TJP2: variants seen among roughly 807,000 people sequenced by gnomAD.
The protein encoded by TJP2 is Friedreich ataxia region gene X104 (tight junction protein ZO-2).
Under a neutral mutation model 133.1 loss-of-function variants are expected in TJP2, and 91 were observed. The observed-to-expected ratio is 0.68, with a 90% CI of 0.58 to 0.81. The LOEUF (loss-of-function observed/expected upper bound fraction) is 0.81. Among genes scored for constraint, TJP2 ranks in the 40% least tolerant of loss-of-function variants. The pLI, the probability that TJP2 is intolerant of heterozygous loss-of-function variation, is 0.00. For missense variants in TJP2, 1,541 were observed against 1,565.6 expected (o/e 0.98, Z 0.26); for synonymous variants, 592 against 583.4 (o/e 1.01, Z -0.21).
chr9:69,131,467 A>T (rs1017086340), intron 1 of TJP2, among the ~76,000 whole-genome samples: 1 of 152,212 alleles, frequency 6.6e-6, no homozygotes, highest in Non-Finnish European at 1.5e-5. Context: ...AGTCGAGAGA[A>T]ACATCCCCTA....
intron 1 of TJP2, among the ~76,000 whole-genome samples, chr9:69,141,604 C>T (rs1335016488): frequency 6.6e-6 from 1 of 152,036 alleles, no homozygotes; most frequent in Non-Finnish European, 1.5e-5. Flanking sequence ...TTTATTAATT[C>T]ATTTTGAGAC....
At chr9:69,249,113 G>T in intron 19 of TJP2, 1 of 1,266,394 alleles carries the variant, frequency 7.9e-7, no homozygotes. Flanking sequence ...ATGGATATTA[G>T]TGACACAAGA....
chr9:69,202,953 T>G (rs770541491), intron 1 of TJP2, among the ~76,000 whole-genome samples: 6 of 152,224 alleles, frequency 3.9e-5, no homozygotes, highest in Non-Finnish European at 8.8e-5. Flanking sequence ...GAATTACTGC[T>G]GCTAGAAACT....
intron 1 of TJP2, chr9:69,204,877 AT>A (rs1827274012): frequency 1.7e-6 from 2 of 1,191,764 alleles, no homozygotes; most frequent in Non-Finnish European, 2.1e-6. Flanking sequence ...TAAAAGAAAT[AT>A]CTACTCGGAT....
chr9:69,209,167 C>G (rs528582942), intron 1 of TJP2, among the ~76,000 whole-genome samples: 30 of 152,058 alleles, frequency 2.0e-4, no homozygotes, highest in Non-Finnish European at 2.9e-5. Context: ...TTTTTTGAGA[C>G]AGAGTCTCAC....
intron 1 of TJP2, among the ~76,000 whole-genome samples, chr9:69,210,524 G>A (rs1163401756): frequency 6.6e-6 from 1 of 152,078 alleles, no homozygotes; most frequent in Admixed American, 6.6e-5. Context: ...TCGTCACAGT[G>A]AACAGACTTT....
chr9:69,254,196 C>A lies in TJP2; in HGVS notation c.3408-13C>A. On this transcript the variant is annotated splice_polypyrimidine_tract_variant and intron_variant, in intron 22 of 22. Transcript: ENST00000377245. Reference sequence around the variant, plus strand: ...TGTGCTCTGGAATGTCTTTAACACCCTTTTTTTGTTAGTTCCAGACCCCCT... The same window carrying A: ...TGTGCTCTGGAATGTCTTTAACACCATTTTTTTGTTAGTTCCAGACCCCCT... The A allele has an allele frequency of 6.2e-7, 1 of 1,614,136 alleles. No individual in the cohort carries two copies. The highest frequency in any genetic ancestry group is 1.3e-5 in the African/African-American group (1 of 75,036).
At chr9:69,215,609 C>T (rs1828308538) in intron 2 of TJP2, among the ~76,000 whole-genome samples, 1 of 151,872 alleles carries the variant, frequency 6.6e-6, no homozygotes, top group Non-Finnish European at 1.5e-5. Context: ...TGGTCTTGAG[C>T]TGCTGGACTC....
At chr9:69,121,670 G>GC (rs1564361748) in exon 1 of TJP2, 1 of 153,042 alleles carries the variant, frequency 6.5e-6, no homozygotes, top group Non-Finnish European at 1.4e-5. Flanking sequence ...AGCCGCCTTC[G>GC]CCCTCGCCCA....
rs556477777 is a variant in TJP2 at position 69,240,696 on chromosome 9, C to T, written c.2566+549C>T. Among the ~76,000 whole-genome samples the T allele has an allele frequency of 3.9e-5, 6 of 152,062 alleles. 1 individual carries two copies. In the South Asian group the frequency reaches 1.2e-3, roughly 32 times the overall value. On this transcript the variant is annotated intron_variant, in intron 17 of 22. Coordinates refer to ENST00000377245, the MANE Select transcript of TJP2 (RefSeq NM_004817.4). ...AAAGGCCTAGCATGGTGGTGCATGC[C>T]TATGGCTGAGGTTGGAGGATCGCTT...
At chr9:69,130,039 G>GAAAAA (rs1296330325) in intron 1 of TJP2, among the ~76,000 whole-genome samples, 2 of 146,646 alleles carry the variant, frequency 1.4e-5, no homozygotes, top group Non-Finnish European at 3.0e-5. Flanking sequence ...AAAAGAAAAA[G>GAAAAA]AAAAAAAAGA....
chr9:69,139,343 T>C (rs1427919421), intron 1 of TJP2, among the ~76,000 whole-genome samples: 1 of 152,226 alleles, frequency 6.6e-6, no homozygotes, highest in East Asian at 1.9e-4. Flanking sequence ...TGCCTTTATT[T>C]GGAGATGCGG....
At chr9:69,174,186 C>T (rs1256925642), upstream of TJP2, 1 of 1,369,436 alleles carries the variant, frequency 7.3e-7, no homozygotes, top group African/African-American at 1.5e-5. Context: ...ACGCTCGGGT[C>T]GGGGGCGGGC....
chr9:69,201,177 G>A (rs1826962176), intron 1 of TJP2, among the ~76,000 whole-genome samples: 1 of 152,156 alleles, frequency 6.6e-6, no homozygotes, highest in Non-Finnish European at 1.5e-5. Context: ...CAGGTGCATG[G>A]TTGCTTTTGG....
At position 69,151,841 on chromosome 9, in the gene TJP2, G is replaced by A. The variant is rs184050702; in HGVS notation, c.-10+70G>A. On this transcript the variant is annotated intron_variant, in intron 2 of 5. Transcript: ENST00000423935. ...CCCAAAATTTGTTCGAATAGTTACC[G>A]TTTTCACATTCTAGAGGTAGTCAGA... 39 of 1,225,176 alleles carry A rather than the reference G, an allele frequency of 3.2e-5. No individual in the cohort carries two copies. The East Asian group carries it at 7.6e-4, about 24-fold the overall frequency. The allele number at this position is 1,225,176 out of a possible 1,614,324, so 75.9% of individuals were successfully genotyped here. A position where few individuals can be genotyped will look rare whatever the true frequency, so the allele number is the denominator to read the frequency against.
intron 1 of TJP2, among the ~76,000 whole-genome samples, chr9:69,203,495 G>T (rs973436344): frequency 6.6e-6 from 1 of 151,344 alleles, no homozygotes; most frequent in Non-Finnish European, 1.5e-5. Context: ...GTAGAGACGA[G>T]GTTTCAACAT....
At chr9:69,248,512 A>G in intron 19 of TJP2, 2 of 1,293,134 alleles carry the variant, frequency 1.5e-6, no homozygotes, top group Non-Finnish European at 2.0e-6. Flanking sequence ...TGTCCAAATT[A>G]CCAGCGGAAC....
intron 1 of TJP2, among the ~76,000 whole-genome samples, chr9:69,196,423 CA>C (rs757863688): frequency 3.0e-4 from 45 of 152,278 alleles, no homozygotes; most frequent in Admixed American, 1.6e-3. Context: ...TCTCTACATG[CA>C]CTGTCTGATT....
At chr9:69,159,114 G>A (rs1020104557) in intron 2 of TJP2, among the ~76,000 whole-genome samples, 1 of 151,834 alleles carries the variant, frequency 6.6e-6, no homozygotes, top group Non-Finnish European at 1.5e-5. Context: ...AGACCAACCT[G>A]GGCAACATGG....
Sources: allele counts gnomAD v4.1 joint callset (sites outside exome capture counted in the v4.1 genomes callset), GRCh38; gene constraint gnomAD v4.1.1; transcripts MANE v1.5; gene names NCBI Gene and HGNC (gene_info 2026-07-23, HGNC 2026-07-21).